ITGB3: variants seen among roughly 807,000 people sequenced by gnomAD.
ITGB3 encodes the protein integrin subunit beta 3.
Under a neutral mutation model 85.8 loss-of-function variants are expected in ITGB3, and 48 were observed. The observed-to-expected ratio is 0.56, with a 90% CI of 0.44 to 0.71. The LOEUF is 0.71. Ranked by LOEUF, ITGB3 falls within the 30% of genes least tolerant of loss-of-function variation. The pLI is 0.00. For missense variants in ITGB3, 861 were observed against 1,019.1 expected (o/e 0.84, Z 2.11); for synonymous variants, 363 against 395.6 (o/e 0.92, Z 0.98).
rs1210195446 is a variant in ITGB3 at position 47,313,432 on chromosome 17, C to T, written c.*3228C>T. Among the ~76,000 whole-genome samples, 36 of 136,886 alleles carry T rather than the reference C, an allele frequency of 2.6e-4. No homozygotes were observed. The highest frequency in any genetic ancestry group is 8.8e-4 in the African/African-American group (32 of 36,366). 89.8% of individuals were successfully genotyped at this position (136,886 alleles called of 152,430 possible). ...CACGATCTCTGCTCACTGCAAGCTTCGCCTCCCGGGTTCACGCCATTCTCC... is the reference window on the plus strand; with the variant it reads ...CACGATCTCTGCTCACTGCAAGCTTTGCCTCCCGGGTTCACGCCATTCTCC... On this transcript the variant is annotated 3_prime_UTR_variant, in exon 15 of 15. Transcript: ENST00000559488.
chr17:47,266,854 T>A (rs2143048118), intron 1 of ITGB3, among the ~76,000 whole-genome samples: 1 of 152,112 alleles, frequency 6.6e-6, no homozygotes, highest in Non-Finnish European at 1.5e-5. Context: ...AATGCTGGGA[T>A]TACAGGCATG....
chr17:47,301,577 G>A (rs1329420705), intron 12 of ITGB3, among the ~76,000 whole-genome samples: 1 of 152,136 alleles, frequency 6.6e-6, no homozygotes, highest in Non-Finnish European at 1.5e-5. Flanking sequence ...ATCTACACTA[G>A]GTGGGTATTA....
chr17:47,298,195 A>G (rs1338985455), intron 10 of ITGB3, among the ~76,000 whole-genome samples: 1 of 152,198 alleles, frequency 6.6e-6, no homozygotes, highest in Non-Finnish European at 1.5e-5. Context: ...AGGAACCAGG[A>G]TGAGTCAACA....
chr17:47,308,691 G>T (rs1385615069), intron 14 of ITGB3, among the ~76,000 whole-genome samples: 1 of 152,016 alleles, frequency 6.6e-6, no homozygotes, highest in South Asian at 2.1e-4. Flanking sequence ...TAGTAGCGAC[G>T]GGGTTTCACC....
At chr17:47,275,677 G>T (rs1400733273) in intron 2 of ITGB3, among the ~76,000 whole-genome samples, 3 of 152,208 alleles carry the variant, frequency 2.0e-5, no homozygotes, top group African/African-American at 7.2e-5. Flanking sequence ...GGAGCTGGGA[G>T]GCTGTGTTTA....
Position 47,310,279 on chromosome 17 carries a change from G to A in ITGB3, c.*75G>A. On this transcript the variant is annotated 3_prime_UTR_variant, in exon 15 of 15. Coordinates refer to ENST00000559488, the MANE Select transcript of ITGB3 (RefSeq NM_000212.3). ...GAGTCCCTGCCATCATGTTTACAGA[G>A]GACAGTATTTGTGGGGAGGGATTTG... The A allele has an allele frequency of 7.0e-7, 1 of 1,425,178 alleles. No individual in the cohort carries two copies. Among genetic ancestry groups the A allele is most frequent in the Non-Finnish European group, 9.9e-7 (1 of 1,009,916 alleles). The allele number at this position is 1,425,178 out of a possible 1,614,324, so 88.3% of individuals were successfully genotyped here.
chr17:47,262,836 G>T (rs903859688), intron 1 of ITGB3, among the ~76,000 whole-genome samples: 2 of 152,140 alleles, frequency 1.3e-5, no homozygotes, highest in African/African-American at 2.4e-5. Flanking sequence ...AAGTAAGGGG[G>T]AAGGAAATGA....
At chr17:47,287,911 CTTT>C (rs60463106) in intron 6 of ITGB3, among the ~76,000 whole-genome samples, 25 of 55,394 alleles carry the variant, frequency 4.5e-4, no homozygotes, top group African/African-American at 1.9e-3. Flanking sequence ...ACCACCCCTG[CTTT>C]TTTTTTTTTT....
chr17:47,307,897 G>T (rs2143151649), intron 14 of ITGB3, among the ~76,000 whole-genome samples: 1 of 152,276 alleles, frequency 6.6e-6, no homozygotes. Flanking sequence ...TGGGCCTGGT[G>T]GCGCGTGCCT....
chr17:47,300,637 T>A, intron 12 of ITGB3, 59 bp downstream of exon 12: 1 of 1,272,156 alleles, frequency 7.9e-7, no homozygotes, highest in Non-Finnish European at 1.1e-6. Flanking sequence ...TCTAATTCAA[T>A]CCCAGAACCT....
chr17:47,309,416 T>C (rs1405021277), intron 14 of ITGB3, among the ~76,000 whole-genome samples: 5 of 152,174 alleles, frequency 3.3e-5, no homozygotes, highest in Non-Finnish European at 1.5e-5. Flanking sequence ...AAAGCTTTCC[T>C]CTGTGTTCTG....
At chr17:47,305,567 AC>A (rs1273604559) in intron 13 of ITGB3, 1 of 151,744 alleles carries the variant, frequency 6.6e-6, no homozygotes, top group East Asian at 1.9e-4. Context: ...ACTCAGCCTG[AC>A]CCCCAGAGGG....
intron 1 of ITGB3, among the ~76,000 whole-genome samples, chr17:47,267,874 C>T (rs1306368176): frequency 6.6e-6 from 1 of 152,182 alleles, no homozygotes; most frequent in East Asian, 1.9e-4. Context: ...TGTATTAGTT[C>T]ATTTTCATGC....
rs749373796 is a variant in ITGB3 at position 47,283,340 on chromosome 17, C to A, written c.166-14C>A. On this transcript the variant is annotated splice_polypyrimidine_tract_variant and intron_variant, in intron 2 of 14. Coordinates refer to ENST00000559488, the MANE Select transcript of ITGB3 (RefSeq NM_000212.3). ...TCTGATTGCTGGACTTCTCTTTGGG[C>A]TCCTGTCTTACAGGCCCTGCCTCTG... 6.2e-7 allele frequency: 1 copy of A among 1,613,888 alleles called. No homozygotes were observed. Among genetic ancestry groups the A allele is most frequent in the South Asian group, 1.1e-5 (1 of 91,018 alleles).
At chr17:47,286,445 G>T in intron 5 of ITGB3, 23 bp downstream of exon 5, 1 of 1,613,836 alleles carries the variant, frequency 6.2e-7, no homozygotes, top group Non-Finnish European at 8.5e-7. Flanking sequence ...GACTTGGAGT[G>T]CCAGGTGTGG....
intron 13 of ITGB3, among the ~76,000 whole-genome samples, chr17:47,303,049 A>G (rs542266640): frequency 1.3e-5 from 2 of 152,316 alleles, no homozygotes; most frequent in Admixed American, 1.3e-4. Flanking sequence ...GGAGTTCAAT[A>G]CCAGCCTGGC....
intron 2 of ITGB3, among the ~76,000 whole-genome samples, chr17:47,276,316 T>TGG (rs2065063913): frequency 6.6e-6 from 1 of 152,200 alleles, no homozygotes; most frequent in Non-Finnish European, 1.5e-5. Flanking sequence ...TGAGGTGGGC[T>TGG]GGGGCCTGAC....
rs747486209 is a variant in ITGB3 at position 47,290,271 on chromosome 17, T to C, written c.1122T>C (p.Tyr374=). 4 of 1,613,034 alleles carry C rather than the reference T, an allele frequency of 2.5e-6. No individual in the cohort carries two copies. The highest frequency in any genetic ancestry group is 3.4e-4 in the Middle Eastern group (2 of 5,938). ...SNVLQLIVDA[Y]GKIRSKVELE... ...TCCTCCAGCTCATTGTTGATGCTTA[T>C]GGGGTAAGTGTCTTGTGCTGGGAAT... The change falls in exon 8 of 15, where the codon TAT becomes TAC. Residue 374 remains tyrosine, a synonymous_variant. Coordinates refer to ENST00000559488, the MANE Select transcript of ITGB3 (RefSeq NM_000212.3).
At position 47,302,735 on chromosome 17, in the gene ITGB3, G is replaced by T; in HGVS notation, c.2029G>T (p.Asp677Tyr). The change falls in exon 13 of 15, where the codon GAT becomes TAT. Residue 677 changes from aspartate (D) to tyrosine (Y), a missense_variant. By Grantham distance (160) the Asp-to-Tyr change is radical (BLOSUM62 -3). Coordinates refer to ENST00000559488, the MANE Select transcript of ITGB3 (RefSeq NM_000212.3). ...CCTACTCCCAGAGGACACTGGCAAG[G>T]ATGCAGTGAATTGTACCTATAAGAA... Reference protein sequence around the residue: ...SVKELKDTGKDAVNCTYKNED... With the variant: ...SVKELKDTGKYAVNCTYKNED... 1 of 1,614,048 alleles carries T rather than the reference G, an allele frequency of 6.2e-7. No individual in the cohort carries two copies. Among genetic ancestry groups the T allele is most frequent in the Non-Finnish European group, 8.5e-7 (1 of 1,179,930 alleles).
Sources: allele counts gnomAD v4.1 joint callset (sites outside exome capture counted in the v4.1 genomes callset), GRCh38; gene constraint gnomAD v4.1.1; transcripts MANE v1.5; gene names NCBI Gene and HGNC (gene_info 2026-07-23, HGNC 2026-07-21).